Variants in MET observed in about 807,000 individuals in gnomAD.
MET encodes MET proto-oncogene, receptor tyrosine kinase, also known as hepatocyte growth factor receptor.
A neutral mutation model predicts 133.1 loss-of-function variants in MET; 48 were observed. That is an observed-to-expected ratio of 0.36 (90% confidence interval 0.29 to 0.46). MET has a LOEUF of 0.46. Among genes scored for constraint, MET ranks in the 20% least tolerant of loss-of-function variants. MET has a pLI of 1.00. For missense variants in MET, 1,442 were observed against 1,695.9 expected (o/e 0.85, Z 2.63); for synonymous variants, 628 against 616.5 (o/e 1.02, Z -0.28).
chr7:116,791,355 C>T (rs561500435), intron 19 of MET, among the ~76,000 whole-genome samples: 2 of 152,188 alleles, frequency 1.3e-5, no homozygotes, highest in Admixed American at 6.5e-5. Context: ...CATCCTCTCC[C>T]GCACTTGACA....
rs532673717 is a variant in MET at position 116,741,682 on chromosome 7, C to T, written c.1701+657C>T. Among the ~76,000 whole-genome samples the T allele has an allele frequency of 4.6e-5, 7 of 152,322 alleles. No homozygotes were observed. In the East Asian group the frequency reaches 1.3e-3, roughly 29 times the overall value. On this transcript the variant is annotated intron_variant, in intron 5 of 20. Coordinates refer to ENST00000397752, the MANE Select transcript of MET (RefSeq NM_000245.4). ...CCATGGGTGGCTGTGAGTCTTCCTTCAGTGTTCCCAGAAAAAAAAGCAAAG... is the reference window on the plus strand; with the variant it reads ...CCATGGGTGGCTGTGAGTCTTCCTTTAGTGTTCCCAGAAAAAAAAGCAAAG...
chr7:116,754,999 A>AGAAAGAAG (rs1794111437), intron 5 of MET, among the ~76,000 whole-genome samples: 2 of 148,356 alleles, frequency 1.3e-5, no homozygotes, highest in African/African-American at 5.0e-5. Flanking sequence ...AAAGAAAGAA[A>AGAAAGAAG]GAAAGAAAGA....
intron 15 of MET, among the ~76,000 whole-genome samples, chr7:116,776,574 G>T (rs765749466): frequency 6.6e-6 from 1 of 152,180 alleles, no homozygotes; most frequent in Non-Finnish European, 1.5e-5. Flanking sequence ...GAGAATAGGA[G>T]CACTCAAAAG....
chr7:116,755,393 G>C lies in MET; in HGVS notation c.1740G>C (p.Arg580Ser), dbSNP rs1182994959. 1 of 1,614,064 alleles carries C rather than the reference G, an allele frequency of 6.2e-7. No individual in the cohort carries two copies. Among genetic ancestry groups the C allele is most frequent in the Non-Finnish European group, 8.5e-7 (1 of 1,179,992 alleles). Residue 580 changes from arginine to serine, a missense_variant, in exon 6 of 21, where the codon AGG (arginine) becomes AGC (serine). Physicochemically the swap from Arg to Ser is moderately radical, Grantham distance 110. Coordinates refer to ENST00000397752, the MANE Select transcript of MET (RefSeq NM_000245.4). ...PNSAPLEGGT[R>S]LTICGWDFGF... Reference sequence around the variant, plus strand: ...GTGCACCCCTTGAAGGAGGGACAAGGCTGACCATATGTGGCTGGGACTTTG... The same window carrying C: ...GTGCACCCCTTGAAGGAGGGACAAGCCTGACCATATGTGGCTGGGACTTTG...
At chr7:116,752,227 AGACCCCTTTTG>A (rs1406099770) in intron 5 of MET, among the ~76,000 whole-genome samples, 1 of 152,174 alleles carries the variant, frequency 6.6e-6, no homozygotes, top group African/African-American at 2.4e-5. Context: ...AGAGGAAAGG[AGACCCCTTTTG>A]GAGTTTTTTT....
At chr7:116,706,438 T>C (rs1791796455) in intron 2 of MET, among the ~76,000 whole-genome samples, 1 of 152,140 alleles carries the variant, frequency 6.6e-6, no homozygotes, top group Non-Finnish European at 1.5e-5. Context: ...ACAACTCTGA[T>C]ACATGATATT....
chr7:116,749,734 T>G (rs1793840993), intron 5 of MET, among the ~76,000 whole-genome samples: 1 of 152,208 alleles, frequency 6.6e-6, no homozygotes, highest in African/African-American at 2.4e-5. Flanking sequence ...CAAAATCTCC[T>G]TAAGCTGATA....
intron 2 of MET, among the ~76,000 whole-genome samples, chr7:116,728,735 G>A (rs974395377): frequency 3.3e-4 from 50 of 152,182 alleles, no homozygotes; most frequent in South Asian, 4.1e-4. Context: ...GGGTCCTGGG[G>A]ATAAAAGATG....
intron 1 of MET, among the ~76,000 whole-genome samples, chr7:116,697,766 A>G (rs1419978372): frequency 2.0e-5 from 3 of 152,192 alleles, no homozygotes; most frequent in Non-Finnish European, 4.4e-5. Context: ...GCTCATGATC[A>G]TAATAATCCT....
chr7:116,788,452 C>T (rs1375697888), intron 19 of MET, among the ~76,000 whole-genome samples: 1 of 152,260 alleles, frequency 6.6e-6, no homozygotes, highest in African/African-American at 2.4e-5. Flanking sequence ...TTGACAGCCA[C>T]ATACATGCAA....
At position 116,797,862 on chromosome 7, in the gene MET, A is replaced by G. The variant is rs944895498; in HGVS notation, c.*1738A>G. On this transcript the variant is annotated 3_prime_UTR_variant, in exon 21 of 21. Coordinates refer to ENST00000397752, the MANE Select transcript of MET (RefSeq NM_000245.4). ...GCAAGCTACAAAGAGGGTGTGTCACACTGAAACTCAATAGTTGAGTTTGGC... is the reference window on the plus strand; with the variant it reads ...GCAAGCTACAAAGAGGGTGTGTCACGCTGAAACTCAATAGTTGAGTTTGGC... 8.9e-6 allele frequency: 2 copies of G among 225,016 alleles called. No individual in the cohort carries two copies. The highest frequency in any genetic ancestry group is 4.5e-5 in the African/African-American group (2 of 44,876). The allele number at this position is 225,016 out of a possible 1,614,324, so 13.9% of individuals were successfully genotyped here. A position where few individuals can be genotyped will look rare whatever the true frequency, so the allele number is the denominator to read the frequency against.
intron 3 of MET, among the ~76,000 whole-genome samples, chr7:116,734,312 A>G (rs1793132632): frequency 6.6e-6 from 1 of 152,230 alleles, no homozygotes. Flanking sequence ...CCTAATGGCA[A>G]AGTTGCTTTG....
intron 11 of MET, among the ~76,000 whole-genome samples, chr7:116,763,888 T>C (rs919957711): frequency 6.6e-6 from 1 of 152,150 alleles, no homozygotes; most frequent in Admixed American, 6.5e-5. Context: ...AAGACTAGAG[T>C]GCAGCTTTTT....
At chr7:116,754,947 GAA>G (rs60046562) in intron 5 of MET, among the ~76,000 whole-genome samples, 18 of 133,114 alleles carry the variant, frequency 1.4e-4, no homozygotes, top group African/African-American at 5.0e-4. Flanking sequence ...AAGAAAGAAA[GAA>G]AGAGAAAGAA....
In MET at chr7:116,796,290, G is replaced by A. The variant is rs1795675034; in HGVS notation, c.*166G>A. On this transcript the variant is annotated 3_prime_UTR_variant, in exon 21 of 21. Coordinates refer to ENST00000397752, the MANE Select transcript of MET (RefSeq NM_000245.4). Reference sequence around the variant, plus strand: ...ATTCTAAGGAATTTCTTATCTGACAGAGCATCAGAACCAGAGGCTTGGTCC... The same window carrying A: ...ATTCTAAGGAATTTCTTATCTGACAAAGCATCAGAACCAGAGGCTTGGTCC... 1.4e-6 allele frequency: 1 copy of A among 707,484 alleles called. No individual in the cohort carries two copies. Among genetic ancestry groups the A allele is most frequent in the African/African-American group, 1.7e-5 (1 of 57,168 alleles). 43.8% of individuals were successfully genotyped at this position (707,484 alleles called of 1,614,324 possible). A position where few individuals can be genotyped will look rare whatever the true frequency, so the allele number is the denominator to read the frequency against.
intron 11 of MET, among the ~76,000 whole-genome samples, chr7:116,769,231 C>T (rs1343106958): frequency 2.0e-5 from 3 of 152,158 alleles, no homozygotes; most frequent in South Asian, 2.1e-4. Flanking sequence ...ATTCCAAAAG[C>T]AAAGTCAAGG....
intron 15 of MET, among the ~76,000 whole-genome samples, 196 bp downstream of exon 15, chr7:116,775,307 G>T (rs1794960551): frequency 6.6e-6 from 1 of 152,232 alleles, no homozygotes; most frequent in Admixed American, 6.5e-5. Context: ...GTGCATGGAA[G>T]CAATTGGATA....
rs566359915 is a variant in MET at position 116,707,821 on chromosome 7, C to T, written c.1200+7537C>T. The stretch of plus-strand genomic sequence containing the variant: ...CTAATATCTCTAAAAAATATCTTGA[C>T]AATAAAATGTGCAATATTTTCCATT... On this transcript the variant is annotated intron_variant, in intron 2 of 20. Transcript: ENST00000397752. 3.3e-5 allele frequency among the ~76,000 whole-genome samples: 5 copies of T among 152,230 alleles called. No homozygotes were observed. The East Asian group carries it at 7.7e-4, about 23-fold the overall frequency.
At chr7:116,795,552 T>C in intron 19 of MET, 103 bp from the exon 20 acceptor site, 1 of 1,490,096 alleles carries the variant, frequency 6.7e-7, no homozygotes, top group Admixed American at 1.7e-5. Context: ...GAAACCGTAT[T>C]GAGTATGTAA....
Sources: gnomAD v4.1 joint callset for allele counts (sites outside exome capture counted in the v4.1 genomes callset) on GRCh38, gnomAD v4.1.1 for gene constraint, MANE v1.5 for transcripts, NCBI Gene and HGNC (gene_info 2026-07-23, HGNC 2026-07-21) for gene names.